Variants in SYNRG observed in about 807,000 individuals in gnomAD.
SYNRG encodes AP1 gamma subunit binding protein 1.
Under a neutral mutation model 130.9 loss-of-function variants are expected in SYNRG, and 37 were observed. The observed-to-expected ratio is 0.28, with a 90% CI of 0.22 to 0.37. The LOEUF is 0.37. SYNRG is among the 10% of genes least tolerant of loss of function. The pLI is 1.00. For synonymous variants in SYNRG, 539 were observed against 568.1 expected (o/e 0.95, Z 0.73); for missense variants, 1,338 against 1,588.9 (o/e 0.84, Z 2.68).
intron 3 of SYNRG, among the ~76,000 whole-genome samples, chr17:37,591,888 G>C (rs2062223132): frequency 6.6e-6 from 1 of 151,684 alleles, no homozygotes. Context: ...CAGAATCTAG[G>C]GCAAGGCAAT....
intron 1 of SYNRG, 121 bp downstream of exon 1, chr17:37,609,158 T>C: frequency 1.7e-6 from 2 of 1,145,072 alleles, no homozygotes; most frequent in Admixed American, 4.2e-5. Flanking sequence ...GGGATGACCC[T>C]CCTCCCGCAG....
At chr17:37,563,531 T>C (rs1232139607) in intron 11 of SYNRG, among the ~76,000 whole-genome samples, 2 of 152,150 alleles carry the variant, frequency 1.3e-5, no homozygotes, top group Non-Finnish European at 2.9e-5. Context: ...TGAACTTTTA[T>C]TTATTTATTT....
intron 2 of SYNRG, among the ~76,000 whole-genome samples, chr17:37,599,227 T>G (rs1055453674): frequency 1.3e-5 from 2 of 152,082 alleles, no homozygotes; most frequent in Non-Finnish European, 2.9e-5. Context: ...ACTGTCAGAG[T>G]GAAAGAAATG....
chr17:37,586,028 C>CT (rs1371727629), intron 4 of SYNRG, among the ~76,000 whole-genome samples: 3 of 152,188 alleles, frequency 2.0e-5, no homozygotes, highest in African/African-American at 7.2e-5. Flanking sequence ...GGGTCTCACT[C>CT]TGTTACCGAA....
chr17:37,525,519 C>T (rs1005632341), intron 19 of SYNRG, among the ~76,000 whole-genome samples: 1 of 152,222 alleles, frequency 6.6e-6, no homozygotes, highest in African/African-American at 2.4e-5. Context: ...TAACTTGCCA[C>T]AGTCAATAAC....
rs768879699 is a variant in SYNRG, at chr17:37,542,393, T to C, written c.2781A>G (p.Gln927=). The part of the protein sequence containing the change: ...SGSPSATSIL[Q]KKETSFGSSE... The stretch of plus-strand genomic sequence containing the variant: ...AACTGCCAAATGAAGTCTCTTTCTT[T>C]TGAAGAATTGAGGTGGCTGAGGGGG... The change falls in exon 15 of 22, where the codon CAA becomes CAG. Residue 927 remains glutamine (Q), a synonymous_variant. Coordinates refer to ENST00000612223, the MANE Select transcript of SYNRG (RefSeq NM_007247.6). The C allele has an allele frequency of 1.9e-6, 3 of 1,614,168 alleles. No individual in the cohort carries two copies. The highest frequency in any genetic ancestry group is 1.3e-5 in the African/African-American group (1 of 75,038).
intron 6 of SYNRG, among the ~76,000 whole-genome samples, chr17:37,578,503 C>T (rs2061033270): frequency 6.6e-6 from 1 of 152,136 alleles, no homozygotes; most frequent in Non-Finnish European, 1.5e-5. Context: ...CCTTTGAAAT[C>T]TGACAACCTA....
At chr17:37,583,228 T>C (rs1185258134) in intron 6 of SYNRG, among the ~76,000 whole-genome samples, 4 of 152,060 alleles carry the variant, frequency 2.6e-5, no homozygotes, top group Admixed American at 2.6e-4. Context: ...CTGACTGCCT[T>C]TCTCTACTTT....
chr17:37,589,578 A>T (rs987599451), intron 3 of SYNRG, among the ~76,000 whole-genome samples: 8 of 151,894 alleles, frequency 5.3e-5, no homozygotes, highest in Non-Finnish European at 1.0e-4. Flanking sequence ...ATGAAATCCC[A>T]TCTCTACTAA....
intron 17 of SYNRG, 78 bp from the exon 18 acceptor site, chr17:37,538,498 C>T (rs1026398006): frequency 9.5e-7 from 1 of 1,050,162 alleles, no homozygotes; most frequent in Non-Finnish European, 1.4e-6. Flanking sequence ...GTAGAAAACC[C>T]AACCGAAAAG....
At chr17:37,587,465 ACTG>A (rs1222611047) in intron 3 of SYNRG, among the ~76,000 whole-genome samples, 4 of 152,134 alleles carry the variant, frequency 2.6e-5, no homozygotes, top group African/African-American at 9.7e-5. Context: ...TCATTTGGAG[ACTG>A]CTACTTCTCT....
rs2061699308 is a variant in SYNRG at position 37,586,502 on chromosome 17, T to C, written c.288A>G (p.Leu96=). ...GPMPAAGMPY[L]GQAPFLGMRP... ...GCATGCCCAGGAAGGGTGCTTGTCC[T>C]AGGTAAGGCATTCCCGCTGCTGGCA... Residue 96 remains leucine, a synonymous_variant, in exon 4 of 22, where the codon CTA becomes CTG. Coordinates refer to ENST00000612223, the MANE Select transcript of SYNRG (RefSeq NM_007247.6). The C allele has an allele frequency of 6.2e-7, 1 of 1,614,214 alleles. No homozygotes were observed. Among genetic ancestry groups the C allele is most frequent in the Non-Finnish European group, 8.5e-7 (1 of 1,180,042 alleles).
chr17:37,520,297 CT>C, intron 20 of SYNRG, 83 bp from the exon 21 acceptor site: 3 of 1,578,890 alleles, frequency 1.9e-6, no homozygotes, highest in African/African-American at 1.3e-5. Context: ...CAGGTTCACC[CT>C]TTTCCCCTGA....
intron 5 of SYNRG, among the ~76,000 whole-genome samples, 154 bp downstream of exon 5, chr17:37,585,171 C>A (rs2061601215): frequency 1.3e-5 from 2 of 152,270 alleles, no homozygotes; most frequent in Non-Finnish European, 2.9e-5. Flanking sequence ...AATGAAAAAC[C>A]CTTCACATTA....
intron 14 of SYNRG, among the ~76,000 whole-genome samples, chr17:37,543,148 C>T (rs1454524490): frequency 1.3e-5 from 2 of 152,026 alleles, no homozygotes; most frequent in Admixed American, 1.3e-4. Flanking sequence ...TTTAATCAAG[C>T]AATTACTTAC....
In SYNRG at chr17:37,577,386, C is replaced by T. The variant is rs1395835439; in HGVS notation, c.817G>A (p.Glu273Lys). 3.1e-6 allele frequency: 5 copies of T among 1,614,178 alleles called. No individual in the cohort carries two copies. The highest frequency in any genetic ancestry group is 3.3e-5 in the Admixed American group (2 of 60,018). Residue 273 changes from glutamate (E) to lysine (K), a missense_variant, in exon 7 of 22, where the codon GAG (glutamate) becomes AAG (lysine). Glu to Lys is a moderately conservative substitution (Grantham distance 56). Transcript: ENST00000612223. ...NTSDQNLSIE[E>K]SGVGVFPSQD... Reference sequence around the variant, plus strand: ...GAATGCTTCACGAGCTCACCACTCTCTTCAATTGACAGGTTTTGATCTGAA... The same window carrying T: ...GAATGCTTCACGAGCTCACCACTCTTTTCAATTGACAGGTTTTGATCTGAA...
In SYNRG at chr17:37,564,337, C is replaced by T. The variant is rs181022807; in HGVS notation, c.1482-2748G>A. Among the ~76,000 whole-genome samples the T allele has an allele frequency of 1.6e-3, 245 of 152,238 alleles. 1 individual carries two copies. The highest frequency in any genetic ancestry group is 8.9e-3 in the South Asian group (43 of 4,824). On this transcript the variant is annotated intron_variant, in intron 11 of 21. Coordinates refer to ENST00000612223, the MANE Select transcript of SYNRG (RefSeq NM_007247.6). Reference sequence around the variant, plus strand: ...CTCCTTTGACTATCTAGTTTAACACCGAGTCTAGCCAATTTCTCAGATATA... The same window carrying T: ...CTCCTTTGACTATCTAGTTTAACACTGAGTCTAGCCAATTTCTCAGATATA...
At chr17:37,566,515 T>C (rs2145857527) in intron 11 of SYNRG, among the ~76,000 whole-genome samples, 1 of 147,692 alleles carries the variant, frequency 6.8e-6, no homozygotes, top group Non-Finnish European at 1.5e-5. Context: ...CGCAGGGTCC[T>C]CTGCCTAGGA....
intron 11 of SYNRG, 55 bp downstream of exon 11, chr17:37,568,736 A>G (rs2060187271): frequency 6.3e-7 from 1 of 1,582,756 alleles, no homozygotes; most frequent in Admixed American, 1.8e-5. Flanking sequence ...CCTATTATGG[A>G]TGCCTCTTTC....
Sources: allele counts gnomAD v4.1 joint callset (sites outside exome capture counted in the v4.1 genomes callset), GRCh38; gene constraint gnomAD v4.1.1; transcripts MANE v1.5; gene names NCBI Gene and HGNC (gene_info 2026-07-23, HGNC 2026-07-21).